BTD: variants seen among roughly 807,000 people sequenced by gnomAD.
BTD encodes biotinidase.
In BTD, 13 loss-of-function variants were observed where a neutral mutation model predicts 17.7. The ratio of observed to expected loss-of-function variants is 0.74; its 90% CI spans 0.48 to 1.17. The LOEUF (loss-of-function observed/expected upper bound fraction) is 1.17, where lower values mean the gene tolerates loss of function less well. Among genes scored for constraint, BTD ranks in the 50% most tolerant of loss-of-function variants. BTD has a pLI of 0.00. For synonymous variants in BTD, 240 were observed against 245.2 expected, an observed-to-expected ratio of 0.98 and a Z score of 0.20; for missense variants, 674 against 650.4, an observed-to-expected ratio of 1.04 and a Z score of -0.39.
At chr3:15,712,362 A>C in exon 4 of BTD, 1 of 710,340 alleles carries the variant, frequency 1.4e-6, no homozygotes, top group South Asian at 1.9e-5. Context: ...AATTTGGTTA[A>C]AGTTTGATGG....
At chr3:15,611,296 A>G (rs1363374353) in intron 1 of BTD, among the ~76,000 whole-genome samples, 1 of 152,208 alleles carries the variant, frequency 6.6e-6, no homozygotes, top group African/African-American at 2.4e-5. Flanking sequence ...TTGGAGTTGT[A>G]GAAGTCATTT....
chr3:15,677,393 G>C (rs1170070950), intron 3 of BTD: 9 of 940,398 alleles, frequency 9.6e-6, no homozygotes, highest in East Asian at 2.5e-5. Flanking sequence ...GTTTGGTCCT[G>C]AGTTGTTCAT....
rs1397528557 is a variant in BTD at position 15,601,776 on chromosome 3, A to G, written c.-135A>G. ...TTGCTGCCTATGCAAAGCAGGTAAGAAGCCGAACTCTGAGGCCTCTCGCCA... is the reference window on the plus strand; with the variant it reads ...TTGCTGCCTATGCAAAGCAGGTAAGGAGCCGAACTCTGAGGCCTCTCGCCA... On this transcript the variant is annotated 5_prime_UTR_variant, in exon 1 of 4. Transcript: ENST00000643237. The G allele has an allele frequency of 6.2e-7, 1 of 1,611,632 alleles. No individual in the cohort carries two copies. Among genetic ancestry groups the G allele is most frequent in the East Asian group, 2.2e-5 (1 of 44,856 alleles).
At chr3:15,660,294 G>A (rs2065910057) in intron 3 of BTD, among the ~76,000 whole-genome samples, 1 of 152,214 alleles carries the variant, frequency 6.6e-6, no homozygotes, top group Admixed American at 6.5e-5. Flanking sequence ...TACTGTCCCA[G>A]CCATACGGAA....
intron 3 of BTD, among the ~76,000 whole-genome samples, chr3:15,690,730 A>G (rs2068677204): frequency 6.6e-6 from 1 of 151,996 alleles, no homozygotes; most frequent in South Asian, 2.1e-4. Context: ...ATGCCCAGCT[A>G]ATTTTTCTTT....
At chr3:15,701,163 G>A (rs1043801412) in intron 3 of BTD, among the ~76,000 whole-genome samples, 7 of 152,120 alleles carry the variant, frequency 4.6e-5, no homozygotes, top group Non-Finnish European at 7.3e-5. Flanking sequence ...AAATATATGA[G>A]AGCCATTATT....
At chr3:15,705,811 G>A (rs1394216305) in intron 3 of BTD, among the ~76,000 whole-genome samples, 1 of 152,068 alleles carries the variant, frequency 6.6e-6, no homozygotes, top group African/African-American at 2.4e-5. Context: ...GACCAGCCTG[G>A]CCAACATGGT....
At chr3:15,673,107 G>T (rs2066551790) in intron 3 of BTD, among the ~76,000 whole-genome samples, 1 of 152,136 alleles carries the variant, frequency 6.6e-6, no homozygotes, top group African/African-American at 2.4e-5. Flanking sequence ...CACTCTCTTT[G>T]CTTAGAAAGT....
At position 15,718,922 on chromosome 3, in the gene BTD, C is replaced by T. The variant is rs1181149279; in HGVS notation, c.1016-2848C>T. On this transcript the variant is annotated intron_variant, in intron 4 of 4. Transcript: ENST00000672427. ...GCCTTTGAGGAAAAAACTAACTTTT[C>T]TCCTCACAACTGTCTAGATATTTTT... Among the ~76,000 whole-genome samples the T allele has an allele frequency of 3.3e-5, 5 of 152,170 alleles. No homozygotes were observed. In the East Asian group the frequency reaches 9.6e-4, roughly 29 times the overall value.
chr3:15,706,556 G>GC (rs2071454523), intron 3 of BTD, among the ~76,000 whole-genome samples: 1 of 152,120 alleles, frequency 6.6e-6, no homozygotes, highest in Non-Finnish European at 1.5e-5. Flanking sequence ...ACATACGTGT[G>GC]CATGTGTCTT....
In BTD at chr3:15,645,411, T is replaced by C; in HGVS notation, c.1495T>C (p.Tyr499His). Residue 499 changes from tyrosine (Y) to histidine (H), a missense_variant, in exon 4 of 4, where the codon TAT becomes CAT. Tyr to His is a moderately conservative substitution (Grantham distance 83). Coordinates refer to ENST00000643237, the MANE Select transcript of BTD (RefSeq NM_001370658.1). Reference sequence around the variant, plus strand: ...CCAGCTTGGCTGGGAGAATGACCACTATTTCCTGAGGAAAAGTAGGCTGTC... The same window carrying C: ...CCAGCTTGGCTGGGAGAATGACCACCATTTCCTGAGGAAAAGTAGGCTGTC... ...PDQLGWENDH[Y>H]FLRKSRLSSG... 1 of 1,614,138 alleles carries C rather than the reference T, an allele frequency of 6.2e-7. No individual in the cohort carries two copies. Among genetic ancestry groups the C allele is most frequent in the Non-Finnish European group, 8.5e-7 (1 of 1,180,036 alleles).
Position 15,644,636 on chromosome 3 carries a change from C to T in BTD, c.720C>T (p.Asp240=). The T allele has an allele frequency of 1.2e-6, 2 of 1,614,224 alleles. No individual in the cohort carries two copies. Among genetic ancestry groups the T allele is most frequent in the Non-Finnish European group, 1.7e-6 (2 of 1,180,046 alleles). Residue 240 remains aspartate, a synonymous_variant, in exon 4 of 4, where the codon GAC becomes GAT. Transcript: ENST00000643237. ...ACCCTGCCATCAGAGTCCTCAGAGA[C>T]TACAAGGTGAAGCATGTTGTGTACC... The part of the protein sequence containing the change: ...FFDPAIRVLR[D]YKVKHVVYPT...
intron 1 of BTD, among the ~76,000 whole-genome samples, chr3:15,604,955 G>C (rs1248903762): frequency 6.6e-6 from 1 of 152,064 alleles, no homozygotes; most frequent in Non-Finnish European, 1.5e-5. Context: ...CCTGTCTTCT[G>C]AGCCCTCCAA....
chr3:15,629,741 A>G (rs1286875919), intron 1 of BTD, among the ~76,000 whole-genome samples: 1 of 152,100 alleles, frequency 6.6e-6, no homozygotes, highest in African/African-American at 2.4e-5. Flanking sequence ...AGTGGTCATT[A>G]AAGCTTGACC....
At chr3:15,714,762 C>T, downstream of BTD, 1 of 770,402 alleles carries the variant, frequency 1.3e-6, no homozygotes, top group Non-Finnish European at 1.9e-6. Flanking sequence ...AACTATTTTA[C>T]ATGAATTAAG....
In BTD at chr3:15,650,731, C is replaced by T. The variant is rs988582548; in HGVS notation, c.*5243C>T. On this transcript the variant is annotated 3_prime_UTR_variant, in exon 4 of 4. Coordinates refer to ENST00000643237, the MANE Select transcript of BTD (RefSeq NM_001370658.1). ...ACAACCTGGGCTCTTGCTTAGGGCA[C>T]GTGCCCATCCTGAATCAATGATCGG... Among the ~76,000 whole-genome samples, 4 of 152,188 alleles carry T rather than the reference C, an allele frequency of 2.6e-5. No homozygotes were observed. The highest frequency in any genetic ancestry group is 9.7e-5 in the African/African-American group (4 of 41,448).
Position 15,678,857 on chromosome 3 carries a change from G to A in BTD, c.400-31203G>A, listed in dbSNP as rs978362142. ...AACCTTTTATAATGTAAAAATAATT[G>A]AGATCTTATAACAATTTATACTCGC... is the stretch of plus-strand genomic sequence containing the variant. On this transcript the variant is annotated intron_variant, in intron 3 of 3. Coordinates refer to the BTD transcript ENST00000672141. Among the ~76,000 whole-genome samples the A allele has an allele frequency of 9.2e-5, 14 of 152,276 alleles. 1 individual carries two copies. In the South Asian group the frequency reaches 2.9e-3, roughly 32 times the overall value.
At chr3:15,704,278 A>C (rs543739850) in intron 3 of BTD, among the ~76,000 whole-genome samples, 13 of 152,180 alleles carry the variant, frequency 8.5e-5, no homozygotes, top group Non-Finnish European at 1.9e-4. Context: ...TGGGGGTAAC[A>C]AGCAGAATGA....
chr3:15,674,290 A>G (rs536367387), intron 3 of BTD, among the ~76,000 whole-genome samples: 1 of 151,876 alleles, frequency 6.6e-6, no homozygotes, highest in Admixed American at 6.6e-5. Context: ...AAGTGGGCAT[A>G]CTTTAGATCT....
Sources: allele counts gnomAD v4.1 joint callset (sites outside exome capture counted in the v4.1 genomes callset), GRCh38; gene constraint gnomAD v4.1.1; transcripts MANE v1.5; gene names NCBI Gene and HGNC (gene_info 2026-07-23, HGNC 2026-07-21).